Variants in PIK3R5 observed in about 807,000 individuals in gnomAD.
PIK3R5 encodes phosphoinositide 3-kinase regulatory subunit 5.
Under a neutral mutation model 94.9 loss-of-function variants are expected in PIK3R5, and 32 were observed. That is an observed-to-expected ratio of 0.34 (90% CI 0.25 to 0.45). The LOEUF (loss-of-function observed/expected upper bound fraction) is 0.45. Among genes scored for constraint, PIK3R5 ranks in the 20% least tolerant of loss-of-function variants. PIK3R5 has a pLI of 1.00. For synonymous variants in PIK3R5, 443 were observed against 479.4 expected (o/e 0.92, Z 0.99); for missense variants, 853 against 1,144.6 (o/e 0.75, Z 3.68).
In PIK3R5 at chr17:8,955,389, G is replaced by A. The variant is rs1223832744; in HGVS notation, c.-14+10207C>T. Among the ~76,000 whole-genome samples the A allele has an allele frequency of 3.3e-5, 5 of 152,244 alleles. No individual in the cohort carries two copies. The highest frequency in any genetic ancestry group is 2.1e-4 in the South Asian group (1 of 4,832). On this transcript the variant is annotated intron_variant, in intron 1 of 18. Coordinates refer to ENST00000447110, the MANE Select transcript of PIK3R5 (RefSeq NM_001142633.3). The surrounding 1 kb of genome is among the most constrained non-coding windows in gnomAD (Gnocchi z 4.4). Reference sequence around the variant, plus strand: ...GGGGATGAGTGAGGCAAGAACACACGTTAGGTCTTGGGAAAACTGAGTCAG... The same window carrying A: ...GGGGATGAGTGAGGCAAGAACACACATTAGGTCTTGGGAAAACTGAGTCAG...
At position 8,889,388 on chromosome 17, in the gene PIK3R5, A is replaced by G. The variant is rs1010726768; in HGVS notation, c.812-166T>C. Among the ~76,000 whole-genome samples, 3 of 152,200 alleles carry G rather than the reference A, an allele frequency of 2.0e-5. No homozygotes were observed. The highest frequency in any genetic ancestry group is 2.9e-5 in the Non-Finnish European group (2 of 68,038). ...AGTTACAGCCAGGGTGCCAGGCTCC[A>G]AGCCAGAGGCCCTTCTTTCAAGCAC... On this transcript the variant is annotated intron_variant, in intron 8 of 18. Coordinates refer to ENST00000447110, the MANE Select transcript of PIK3R5 (RefSeq NM_001142633.3). The surrounding 1 kb of genome is among the most constrained non-coding windows in gnomAD (Gnocchi z 4.1).
chr17:8,886,135 GCCCCACCTCCCAGGTAA>G, intron 14 of PIK3R5, 77 bp downstream of exon 14: 3 of 940,514 alleles, frequency 3.2e-6, no homozygotes, highest in Non-Finnish European at 5.0e-6. Context: ...CCTTCCCATG[GCCCCACCTCCCAGGTAA>G]CCCCACCTCC....
intron 1 of PIK3R5, among the ~76,000 whole-genome samples, chr17:8,949,189 G>A (rs1356939704): frequency 3.3e-5 from 5 of 152,190 alleles, no homozygotes; most frequent in African/African-American, 1.2e-4. Context: ...TGGCATGGTA[G>A]ACTGTGAACA....
intron 1 of PIK3R5, among the ~76,000 whole-genome samples, chr17:8,919,637 C>G (rs2151426449): frequency 1.3e-5 from 2 of 152,348 alleles, no homozygotes; most frequent in Admixed American, 1.3e-4. Flanking sequence ...TACCAGATCT[C>G]CGTGCCCAGT....
At chr17:8,961,493 G>A (rs909529971) in intron 1 of PIK3R5, among the ~76,000 whole-genome samples, 12 of 152,166 alleles carry the variant, frequency 7.9e-5, no homozygotes, top group African/African-American at 2.9e-4. Context: ...AAATTAGCCA[G>A]GCGTGGAAGC....
At chr17:8,933,443 T>C (rs748851607) in intron 1 of PIK3R5, among the ~76,000 whole-genome samples, 7 of 152,206 alleles carry the variant, frequency 4.6e-5, no homozygotes, top group Non-Finnish European at 8.8e-5. Context: ...TTACTAAAAA[T>C]GCTTTTTAAA....
In PIK3R5 at chr17:8,925,467, TGATA is replaced by T. The variant is rs1270133050; in HGVS notation, c.-13-13964_-13-13961del. Among the ~76,000 whole-genome samples, 22 of 126,842 alleles carry T rather than the reference TGATA, an allele frequency of 1.7e-4. No homozygotes were observed. The highest frequency in any genetic ancestry group is 5.4e-4 in the East Asian group (2 of 3,692). 83.2% of individuals were successfully genotyped at this position (126,842 alleles called of 152,430 possible). The stretch of plus-strand genomic sequence containing the variant: ...AGTAGATGGATAGATAGTAGATGGA[TGATA>T]GATAGATAGTAGATGGATAGATAGT... On this transcript the variant is annotated intron_variant, in intron 1 of 18. Transcript: ENST00000447110. The surrounding 1 kb of genome is among the most constrained non-coding windows in gnomAD (Gnocchi z 5.1).
Position 8,935,042 on chromosome 17 carries a change from T to C in PIK3R5, c.-13-23535A>G, listed in dbSNP as rs2091048458. Among the ~76,000 whole-genome samples the C allele has an allele frequency of 6.6e-6, 1 of 152,198 alleles. No individual in the cohort carries two copies. The highest frequency in any genetic ancestry group is 1.9e-4 in the East Asian group (1 of 5,206). ...CCCCTGTTTCTGATGTGGATCTTAA[T>C]ATGCATTCTTCTGTCTTCCATTTCC... is the stretch of plus-strand genomic sequence containing the variant. On this transcript the variant is annotated intron_variant, in intron 1 of 18. Coordinates refer to ENST00000447110, the MANE Select transcript of PIK3R5 (RefSeq NM_001142633.3). The surrounding 1 kb of genome is among the most constrained non-coding windows in gnomAD (Gnocchi z 4.5).
chr17:8,905,608 G>A (rs186068699), intron 4 of PIK3R5, 61 bp downstream of exon 4: 1 of 1,275,006 alleles, frequency 7.8e-7, no homozygotes, highest in Non-Finnish European at 1.1e-6. Flanking sequence ...CTCTGCCCCA[G>A]ATAGAGGTCG....
intron 1 of PIK3R5, among the ~76,000 whole-genome samples, chr17:8,914,316 C>T (rs2090590006): frequency 6.6e-6 from 1 of 152,186 alleles, no homozygotes. Flanking sequence ...CTGGTATAAA[C>T]AGACAAGGGG....
chr17:8,881,375 T>C lies in PIK3R5; in HGVS notation c.2382+255A>G, dbSNP rs1000543753. ...ACAACTTTTCCACATACACGCGTCC[T>C]CTCACAGGGCACCCCTACCTCCCCG... On this transcript the variant is annotated intron_variant, in intron 17 of 18. Transcript: ENST00000447110. This position sits in a 1 kb window ranked among gnomAD's most constrained non-coding sequence, Gnocchi z 4.8. 6.6e-6 allele frequency among the ~76,000 whole-genome samples: 1 copy of C among 151,862 alleles called. No homozygotes were observed. Among genetic ancestry groups the C allele is most frequent in the African/African-American group, 2.4e-5 (1 of 41,308 alleles).
intron 5 of PIK3R5, among the ~76,000 whole-genome samples, chr17:8,903,839 GA>G (rs2090341991): frequency 1.3e-5 from 2 of 152,204 alleles, no homozygotes; most frequent in Admixed American, 1.3e-4. Context: ...AGTCTCGACA[GA>G]AAACCAATTG....
chr17:8,887,001 G>T (rs2089875288), intron 12 of PIK3R5, 95 bp downstream of exon 12: 2 of 1,427,160 alleles, frequency 1.4e-6, no homozygotes, highest in Non-Finnish European at 1.9e-6. Context: ...CCTCCATGGG[G>T]GCCTCAAGCC....
intron 14 of PIK3R5, among the ~76,000 whole-genome samples, chr17:8,885,536 C>CCT (rs554006957): frequency 1.4e-5 from 2 of 145,384 alleles, no homozygotes; most frequent in African/African-American, 5.1e-5. Flanking sequence ...CATGGCCCTG[C>CCT]CTCCCGGTAA....
intron 1 of PIK3R5, among the ~76,000 whole-genome samples, chr17:8,957,229 T>C (rs1226586998): frequency 2.6e-5 from 4 of 152,212 alleles, no homozygotes; most frequent in Admixed American, 6.5e-5. Flanking sequence ...ATATAACATG[T>C]ATTTTCCCTG....
chr17:8,920,575 G>A (rs1471368050), intron 1 of PIK3R5, among the ~76,000 whole-genome samples: 1 of 152,188 alleles, frequency 6.6e-6, no homozygotes, highest in Non-Finnish European at 1.5e-5. Context: ...TCTCCTCAAG[G>A]CTATTTTTGG....
In PIK3R5 at chr17:8,890,100, G is replaced by A. The variant is rs776966599; in HGVS notation, c.684C>T (p.Asp228=). 1 of 1,613,994 alleles carries A rather than the reference G, an allele frequency of 6.2e-7. No individual in the cohort carries two copies. Among genetic ancestry groups the A allele is most frequent in the Non-Finnish European group, 8.5e-7 (1 of 1,179,966 alleles). Residue 228 remains aspartate, a synonymous_variant, in exon 8 of 19, where the codon GAC becomes GAT. Coordinates refer to ENST00000447110, the MANE Select transcript of PIK3R5 (RefSeq NM_001142633.3). The surrounding 1 kb of genome is among the most constrained non-coding windows in gnomAD (Gnocchi z 6.1). ...LQAKTLAELE[D]IFTETAEAQE... is the part of the protein sequence containing the mutation. The stretch of plus-strand genomic sequence containing the variant: ...GTGCCTCTGCGGTCTCCGTGAAGAT[G>A]TCCTCAAGCTCTGCCAGGGTCTTGG...
intron 2 of PIK3R5, among the ~76,000 whole-genome samples, chr17:8,910,572 A>AT (rs1226663134): frequency 1.3e-5 from 2 of 151,982 alleles, no homozygotes; most frequent in Non-Finnish European, 2.9e-5. Flanking sequence ...TCCTGGGAGG[A>AT]TAAGTGGCCT....
Position 8,911,012 on chromosome 17 carries a change from T to C in PIK3R5, c.103+380A>G, listed in dbSNP as rs1259796539. ...CCTTATTCTATAGGGAAGAGGAGGATAGGACTATGAGGGAACTAGAAACAA... is the reference window on the plus strand; with the variant it reads ...CCTTATTCTATAGGGAAGAGGAGGACAGGACTATGAGGGAACTAGAAACAA... On this transcript the variant is annotated intron_variant, in intron 2 of 18. Transcript: ENST00000447110. This position sits in a 1 kb window ranked among gnomAD's most constrained non-coding sequence, Gnocchi z 5.3. Among the ~76,000 whole-genome samples, 4 of 152,126 alleles carry C rather than the reference T, an allele frequency of 2.6e-5. No homozygotes were observed. Among genetic ancestry groups the C allele is most frequent in the African/African-American group, 9.7e-5 (4 of 41,416 alleles).
Sources: allele counts gnomAD v4.1 joint callset (sites outside exome capture counted in the v4.1 genomes callset), GRCh38; gene constraint gnomAD v4.1.1; non-coding constraint Gnocchi (gnomAD v3.1); transcripts MANE v1.5; gene names NCBI Gene and HGNC (gene_info 2026-07-23, HGNC 2026-07-21).